ELMO1: variants seen among roughly 807,000 people sequenced by gnomAD.
ELMO1 encodes the protein engulfment and cell motility 1.
ELMO1 carries 26 observed loss-of-function variants against 98.9 expected under a neutral mutation model. The observed-to-expected ratio is 0.26, with a 90% CI of 0.19 to 0.36. The LOEUF is 0.36. ELMO1 is among the 10% of genes least tolerant of loss of function. ELMO1 has a pLI of 1.00. For missense variants in ELMO1, 627 were observed against 935.2 expected (o/e 0.67, Z 4.30); for synonymous variants, 346 against 346.0 (o/e 1.00, Z 0.00).
chr7:36,906,733 T>C (rs1461329026), intron 16 of ELMO1, among the ~76,000 whole-genome samples: 3 of 151,808 alleles, frequency 2.0e-5, no homozygotes, highest in African/African-American at 7.3e-5. Context: ...AAGTGAACTA[T>C]GATGATACCA....
At chr7:37,213,829 A>T (rs188976583) in intron 11 of ELMO1, among the ~76,000 whole-genome samples, 2 of 152,324 alleles carry the variant, frequency 1.3e-5, no homozygotes, top group Admixed American at 1.3e-4. Context: ...AAAACCAATG[A>T]TGCATACCCA....
chr7:36,964,387 G>A (rs1182160688), intron 16 of ELMO1, among the ~76,000 whole-genome samples: 1 of 152,118 alleles, frequency 6.6e-6, no homozygotes, highest in Non-Finnish European at 1.5e-5. Flanking sequence ...ATAATAAAGG[G>A]TTAAGTATTT....
intron 16 of ELMO1, among the ~76,000 whole-genome samples, chr7:36,981,002 T>C (rs917384533): frequency 6.6e-6 from 1 of 151,816 alleles, no homozygotes; most frequent in Admixed American, 6.6e-5. Flanking sequence ...GGGAATTCTG[T>C]CCAAAATGCA....
intron 16 of ELMO1, among the ~76,000 whole-genome samples, chr7:36,967,353 T>C (rs1789529009): frequency 6.6e-6 from 1 of 152,206 alleles, no homozygotes; most frequent in African/African-American, 2.4e-5. Context: ...TTGAGATGCT[T>C]GTTAAAAAAG....
At chr7:37,068,518 TA>T (rs1554404378) in intron 15 of ELMO1, among the ~76,000 whole-genome samples, 1 of 152,178 alleles carries the variant, frequency 6.6e-6, no homozygotes, top group Non-Finnish European at 1.5e-5. Flanking sequence ...CCCACTCTGT[TA>T]AGGCAGATGA....
At chr7:37,402,914 T>C (rs552498651) in intron 1 of ELMO1, among the ~76,000 whole-genome samples, 95 of 152,344 alleles carry the variant, frequency 6.2e-4, no homozygotes, top group African/African-American at 2.3e-3. Flanking sequence ...AAACGTAATC[T>C]TGTCATACAA....
chr7:37,139,756 C>T (rs1182384612), intron 13 of ELMO1, among the ~76,000 whole-genome samples: 8 of 152,070 alleles, frequency 5.3e-5, no homozygotes, highest in African/African-American at 1.9e-4. Flanking sequence ...CCCACAGAGC[C>T]AATGCAAGAC....
chr7:37,190,730 C>T (rs985325733), intron 13 of ELMO1, among the ~76,000 whole-genome samples: 6 of 152,194 alleles, frequency 3.9e-5, no homozygotes, highest in African/African-American at 1.4e-4. Context: ...AAACTCCTGA[C>T]CTCAGGTGAT....
At chr7:36,867,766 G>A (rs980668581) in intron 20 of ELMO1, among the ~76,000 whole-genome samples, 1 of 152,034 alleles carries the variant, frequency 6.6e-6, no homozygotes, top group Admixed American at 6.6e-5. Context: ...TGGAACTGTG[G>A]GTTATTTACA....
At chr7:36,940,780 T>C (rs553789996) in intron 16 of ELMO1, among the ~76,000 whole-genome samples, 1 of 152,354 alleles carries the variant, frequency 6.6e-6, no homozygotes, top group African/African-American at 2.4e-5. Context: ...ATGTGCAGGC[T>C]CTCTGCTAGG....
chr7:37,294,249 T>A (rs1797910579), intron 4 of ELMO1, among the ~76,000 whole-genome samples: 1 of 151,900 alleles, frequency 6.6e-6, no homozygotes, highest in African/African-American at 2.4e-5. Flanking sequence ...CCCAGCTACT[T>A]GGGAGGCTGA....
At chr7:37,270,533 C>T (rs1421154720) in intron 5 of ELMO1, 1 of 152,218 alleles carries the variant, frequency 6.6e-6, no homozygotes, top group Non-Finnish European at 1.5e-5. Context: ...ACACAGTTTT[C>T]ATCACATATG....
Position 36,912,828 on chromosome 7 carries a change from AATTAG to A in ELMO1, c.1438-17816_1438-17812del, listed in dbSNP as rs764114827. On this transcript the variant is annotated intron_variant, in intron 16 of 21. Coordinates refer to ENST00000310758, the MANE Select transcript of ELMO1 (RefSeq NM_014800.11). ...GCCTCAAGCATAGTTACGAATATTA[AATTAG>A]ATAACATAAGTGAAAGTGTTGAAAA... Among the ~76,000 whole-genome samples the A allele has an allele frequency of 1.6e-4, 25 of 152,306 alleles. No homozygotes were observed. The East Asian group carries it at 2.7e-3, about 16-fold the overall frequency.
intron 1 of ELMO1, among the ~76,000 whole-genome samples, chr7:37,371,293 G>A (rs1211024152): frequency 6.6e-6 from 1 of 152,184 alleles, no homozygotes; most frequent in Non-Finnish European, 1.5e-5. Flanking sequence ...GGAAGAGAAT[G>A]GGATCCACGC....
intron 1 of ELMO1, among the ~76,000 whole-genome samples, chr7:37,355,592 G>A (rs1456787919): frequency 1.3e-5 from 2 of 152,254 alleles, no homozygotes; most frequent in African/African-American, 4.8e-5. Flanking sequence ...ACAGAAATCG[G>A]AGGGGGGAAA....
At chr7:37,153,225 G>C (rs1259761559) in intron 13 of ELMO1, among the ~76,000 whole-genome samples, 1 of 152,188 alleles carries the variant, frequency 6.6e-6, no homozygotes, top group Non-Finnish European at 1.5e-5. Context: ...TATTGACGCA[G>C]CAGACGGGTG....
Position 36,931,592 on chromosome 7 carries a change from T to G in ELMO1, c.1438-36575A>C, listed in dbSNP as rs529253741. On this transcript the variant is annotated intron_variant, in intron 16 of 21. Transcript: ENST00000310758. Reference sequence around the variant, plus strand: ...CTCCAGCTTGGCAACACAGCGAGACTCCGTCTCAAAAAAACAGACCTCAGT... The same window carrying G: ...CTCCAGCTTGGCAACACAGCGAGACGCCGTCTCAAAAAAACAGACCTCAGT... Among the ~76,000 whole-genome samples, 11 of 152,256 alleles carry G rather than the reference T, an allele frequency of 7.2e-5. No homozygotes were observed. The East Asian group carries it at 2.1e-3, about 29-fold the overall frequency.
At chr7:37,182,455 T>TTCTC (rs1790926862) in intron 13 of ELMO1, among the ~76,000 whole-genome samples, 1 of 4,276 alleles carries the variant, frequency 2.3e-4, no homozygotes, top group African/African-American at 6.0e-4. Flanking sequence ...AGTGCTCTTG[T>TTCTC]GCTCTACTTT....
chr7:37,092,502 C>T (rs1659580797), intron 15 of ELMO1, among the ~76,000 whole-genome samples: 1 of 151,484 alleles, frequency 6.6e-6, no homozygotes, highest in South Asian at 2.1e-4. Context: ...CCTCAGCCTC[C>T]TAAGTAGCTG....
Sources: gnomAD v4.1 joint callset for allele counts (sites outside exome capture counted in the v4.1 genomes callset) on GRCh38, gnomAD v4.1.1 for gene constraint, MANE v1.5 for transcripts, NCBI Gene and HGNC (gene_info 2026-07-23, HGNC 2026-07-21) for gene names.